Variants in ADGRL3 observed in about 807,000 individuals in gnomAD.
ADGRL3 encodes calcium-independent alpha-latrotoxin receptor 3.
In ADGRL3, 62 loss-of-function variants were observed where a neutral mutation model predicts 153.5. The observed-to-expected ratio is 0.40, with a 90% confidence interval of 0.33 to 0.50. The LOEUF (loss-of-function observed/expected upper bound fraction) is 0.50, where lower values mean the gene tolerates loss of function less well. Among genes scored for constraint, ADGRL3 ranks in the 20% least tolerant of loss-of-function variants. The pLI is 0.47. For synonymous variants in ADGRL3, 710 were observed against 672.5 expected (o/e 1.06, Z -0.86); for missense variants, 1,641 against 1,859.4 (o/e 0.88, Z 2.16).
rs201220171 is a variant in ADGRL3 at position 61,629,763 on chromosome 4, A to G, written c.473+42323A>G. On this transcript the variant is annotated intron_variant, in intron 5 of 26. Coordinates refer to ENST00000683033, the MANE Select transcript of ADGRL3 (RefSeq NM_001387552.1). ...AAAAAAAAAAAAAAAAAAAAAAAAA[A>G]AAATTCCAAGTCATTTGGATTCATC... Among the ~76,000 whole-genome samples the G allele has an allele frequency of 2.1e-4, 25 of 118,534 alleles. No individual in the cohort carries two copies. The East Asian group carries it at 4.7e-3, about 22-fold the overall frequency. 77.8% of individuals were successfully genotyped at this position (118,534 alleles called of 152,430 possible). A position where few individuals can be genotyped will look rare whatever the true frequency, so the allele number is the denominator to read the frequency against.
chr4:62,031,628 T>C lies in ADGRL3; in HGVS notation c.3591+18T>C, dbSNP rs777967272. ...AGAAGAAGGTAAGCTAGAATTCTTT[T>C]TTTAAAATAAAAATGGCATACATTT... On this transcript the variant is annotated intron_variant, in intron 23 of 26. Transcript: ENST00000683033. 1.6e-5 allele frequency: 25 copies of C among 1,565,368 alleles called. No individual in the cohort carries two copies. The highest frequency in any genetic ancestry group is 2.2e-5 in the Non-Finnish European group (25 of 1,146,356).
chr4:61,645,955 T>C (rs1395683196), intron 5 of ADGRL3, among the ~76,000 whole-genome samples: 2 of 152,290 alleles, frequency 1.3e-5, no homozygotes, highest in East Asian at 3.9e-4. Flanking sequence ...TTTCACATAG[T>C]CCCATATTTC....
chr4:61,941,178 T>G lies in ADGRL3; in HGVS notation c.2419+5133T>G, dbSNP rs1178039846. Reference sequence around the variant, plus strand: ...TAGCCAGTTTTCCCAGCACCATTTATTAAATAGGGAATCCTTTCCCCATTG... The same window carrying G: ...TAGCCAGTTTTCCCAGCACCATTTAGTAAATAGGGAATCCTTTCCCCATTG... On this transcript the variant is annotated intron_variant, in intron 15 of 26. Transcript: ENST00000683033. Among the ~76,000 whole-genome samples the G allele has an allele frequency of 2.7e-4, 28 of 102,502 alleles. 2 individuals carry two copies. The highest frequency in any genetic ancestry group is 3.7e-5 in the Non-Finnish European group (2 of 53,468). The allele number at this position is 102,502 out of a possible 152,430, so 67.2% of individuals were successfully genotyped here.
chr4:62,003,591 A>G (rs1018127241), intron 21 of ADGRL3, among the ~76,000 whole-genome samples: 1 of 152,140 alleles, frequency 6.6e-6, no homozygotes, highest in South Asian at 2.1e-4. Flanking sequence ...AGAATACAGC[A>G]TATAATTTGT....
intron 6 of ADGRL3, among the ~76,000 whole-genome samples, chr4:61,697,790 T>C (rs993769565): frequency 6.6e-6 from 1 of 152,142 alleles, no homozygotes; most frequent in Non-Finnish European, 1.5e-5. Context: ...TGGATTCCTC[T>C]CTGTTCTGAA....
intron 11 of ADGRL3, among the ~76,000 whole-genome samples, chr4:61,904,117 A>G (rs1029729153): frequency 6.9e-6 from 1 of 145,632 alleles, no homozygotes; most frequent in Admixed American, 7.0e-5. Flanking sequence ...TCCTTCCAAC[A>G]TTTTTGTTGT....
intron 9 of ADGRL3, among the ~76,000 whole-genome samples, chr4:61,882,012 T>A (rs975367423): frequency 8.5e-5 from 13 of 152,238 alleles, no homozygotes; most frequent in Non-Finnish European, 1.2e-4. Flanking sequence ...CCCAGTTTGT[T>A]TCTTTATTTG....
At chr4:61,238,665 A>G (rs1320633871) in intron 1 of ADGRL3, among the ~76,000 whole-genome samples, 2 of 152,050 alleles carry the variant, frequency 1.3e-5, no homozygotes, top group Admixed American at 1.3e-4. Flanking sequence ...TGAAATTATG[A>G]TGTTCCCACC....
At chr4:61,731,340 A>G (rs2096438224) in intron 7 of ADGRL3, among the ~76,000 whole-genome samples, 1 of 152,088 alleles carries the variant, frequency 6.6e-6, no homozygotes, top group Admixed American at 6.6e-5. Flanking sequence ...CATTGCATCT[A>G]TGCTTATAGT....
intron 2 of ADGRL3, among the ~76,000 whole-genome samples, chr4:61,461,906 A>G (rs1382005993): frequency 2.6e-5 from 4 of 152,150 alleles, no homozygotes; most frequent in African/African-American, 9.7e-5. Context: ...TAATTAATCT[A>G]CCCAGAAAGA....
At chr4:61,775,679 C>T (rs184009351) in intron 8 of ADGRL3, 9 of 1,500,856 alleles carry the variant, frequency 6.0e-6, no homozygotes, top group Non-Finnish European at 7.3e-6. Context: ...ATCACAGGCT[C>T]ATCACAGTTG....
intron 17 of ADGRL3, among the ~76,000 whole-genome samples, chr4:61,964,444 TAA>T (rs2150536756): frequency 6.6e-6 from 1 of 152,262 alleles, no homozygotes; most frequent in South Asian, 2.1e-4. Context: ...TCTAATCAGG[TAA>T]ACTTTTCCTG....
intron 17 of ADGRL3, among the ~76,000 whole-genome samples, chr4:61,950,120 A>G (rs1297881224): frequency 6.6e-6 from 1 of 152,206 alleles, no homozygotes; most frequent in African/African-American, 2.4e-5. Context: ...AATTGTCTTT[A>G]TAAGTTCAAT....
chr4:61,794,080 C>T (rs1400505245), intron 8 of ADGRL3, among the ~76,000 whole-genome samples: 1 of 152,156 alleles, frequency 6.6e-6, no homozygotes, highest in Non-Finnish European at 1.5e-5. Context: ...TCGTAATTAA[C>T]TTTGCACAGA....
At chr4:61,796,563 A>G (rs1450618980) in intron 8 of ADGRL3, among the ~76,000 whole-genome samples, 1 of 152,150 alleles carries the variant, frequency 6.6e-6, no homozygotes, top group East Asian at 1.9e-4. Context: ...ATGTGGATTC[A>G]ATAAGGATTT....
chr4:61,890,364 C>T (rs1039231320), intron 9 of ADGRL3, among the ~76,000 whole-genome samples: 1 of 152,316 alleles, frequency 6.6e-6, no homozygotes, highest in South Asian at 2.1e-4. Flanking sequence ...TTTTCTACCA[C>T]TGTAACAATA....
In ADGRL3 at chr4:61,346,046, GGCA is replaced by G. The variant is rs1166037152; in HGVS notation, c.-239-37077_-239-37075del. On this transcript the variant is annotated intron_variant, in intron 1 of 26. Transcript: ENST00000683033. ...GAGGCCCAGCTGCTCCTGCGCTCACGGCATGTATAATTAATAGCTGAAATAGAT... is the reference window on the plus strand; with the variant it reads ...GAGGCCCAGCTGCTCCTGCGCTCACGTGTATAATTAATAGCTGAAATAGAT... Among the ~76,000 whole-genome samples the G allele has an allele frequency of 2.0e-5, 3 of 151,996 alleles. No individual in the cohort carries two copies. In the East Asian group the frequency reaches 5.8e-4, roughly 29 times the overall value.
intron 13 of ADGRL3, among the ~76,000 whole-genome samples, chr4:61,926,666 GT>G (rs2098795655): frequency 6.6e-6 from 1 of 152,162 alleles, no homozygotes; most frequent in Non-Finnish European, 1.5e-5. Context: ...AATTAAAGGA[GT>G]TAATGCATGT....
chr4:61,966,462 A>G lies in ADGRL3; in HGVS notation c.2806-13101A>G, dbSNP rs542257177. 9.8e-5 allele frequency among the ~76,000 whole-genome samples: 15 copies of G among 152,330 alleles called. No individual in the cohort carries two copies. In the East Asian group the frequency reaches 1.9e-3, roughly 20 times the overall value. ...AAGAATGATAAAGTGATAAAAATAT[A>G]CATATCTGGGTAACTCATATCTGGT... is the stretch of plus-strand genomic sequence containing the variant. On this transcript the variant is annotated intron_variant, in intron 17 of 26. Transcript: ENST00000683033.
Sources: allele counts gnomAD v4.1 joint callset (sites outside exome capture counted in the v4.1 genomes callset), GRCh38; gene constraint gnomAD v4.1.1; transcripts MANE v1.5; gene names NCBI Gene and HGNC (gene_info 2026-07-23, HGNC 2026-07-21).